The following APC variants were observed in gnomAD, a reference collection of about 807,000 sequenced individuals.
The protein encoded by APC is APC regulator of Wnt signaling pathway.
In APC, 72 loss-of-function variants were observed where a neutral mutation model predicts 247.0. The ratio of observed to expected loss-of-function variants is 0.29; its 90% confidence interval spans 0.24 to 0.35. APC has a LOEUF of 0.35. Ranked by LOEUF, APC falls within the 10% of genes least tolerant of loss-of-function variation. The probability of loss-of-function intolerance (pLI) is 1.00; values close to 1 mark genes in which losing one functional copy is unlikely to be tolerated. For synonymous variants in APC, 1,254 were observed against 1,162.5 expected (o/e 1.08, Z -1.60); for missense variants, 3,400 against 3,360.7 (o/e 1.01, Z -0.29).
chr5:112,813,523 C>T (rs1410228322), intron 8 of APC, among the ~76,000 whole-genome samples: 2 of 152,120 alleles, frequency 1.3e-5, no homozygotes, highest in African/African-American at 4.8e-5. Context: ...TGACGAATCA[C>T]TTAGGAATAC....
At chr5:112,766,302 A>T (rs2149783583) in intron 2 of APC, 24 bp from the exon 3 acceptor site, 1 of 1,447,222 alleles carries the variant, frequency 6.9e-7, no homozygotes, top group Non-Finnish European at 9.7e-7. Context: ...ATTTCATGTT[A>T]ATATATTGTG....
chr5:112,742,282 G>A (rs1753125757), intron 1 of APC, among the ~76,000 whole-genome samples: 1 of 152,084 alleles, frequency 6.6e-6, no homozygotes, highest in South Asian at 2.1e-4. Context: ...TCCAGTGAAG[G>A]CCGTAAGTTT....
intron 11 of APC, among the ~76,000 whole-genome samples, chr5:112,822,738 A>C (rs775691782): frequency 2.4e-4 from 36 of 152,168 alleles, no homozygotes; most frequent in Non-Finnish European, 4.3e-4. Flanking sequence ...CCATACGCTT[A>C]ATTCCCATTT....
chr5:112,746,664 CAAAGG>C (rs1055348860), intron 1 of APC, among the ~76,000 whole-genome samples: 3 of 152,076 alleles, frequency 2.0e-5, no homozygotes, highest in Admixed American at 1.3e-4. Context: ...ACTTTAAACT[CAAAGG>C]AAAATGCCTA....
intron 11 of APC, 119 bp downstream of exon 11, chr5:112,822,110 A>G (rs901099959): frequency 1.4e-6 from 1 of 724,270 alleles, no homozygotes; most frequent in Admixed American, 2.3e-5. Flanking sequence ...ATATAAGGCC[A>G]CCAACTTCTG....
In APC at chr5:112,840,791, C is replaced by T. The variant is rs1441448668; in HGVS notation, c.5197C>T (p.Pro1733Ser). ...ILAECINSAM[P>S]KGKSHKPFRV... Reference sequence around the variant, plus strand: ...TGCAGAATGCATTAATTCTGCTATGCCCAAAGGGAAAAGTCACAAGCCTTT... The same window carrying T: ...TGCAGAATGCATTAATTCTGCTATGTCCAAAGGGAAAAGTCACAAGCCTTT... The change falls in exon 16 of 16, where the codon CCC becomes TCC. Residue 1733 changes from proline (P) to serine (S), a missense_variant. By Grantham distance (74) the Pro-to-Ser change is moderately conservative. Transcript: ENST00000257430. This position sits in a 1 kb window ranked among gnomAD's most constrained non-coding sequence, Gnocchi z 4.1. 2 of 1,613,946 alleles carry T rather than the reference C, an allele frequency of 1.2e-6. No individual in the cohort carries two copies. The highest frequency in any genetic ancestry group is 1.7e-5 in the Admixed American group (1 of 60,008).
intron 1 of APC, among the ~76,000 whole-genome samples, chr5:112,708,284 C>A (rs910717760): frequency 6.6e-6 from 1 of 152,142 alleles, no homozygotes; most frequent in Non-Finnish European, 1.5e-5. Flanking sequence ...CCTGATAGCC[C>A]GGCATGTGGA....
rs1195583636 is a variant in APC at position 112,838,754 on chromosome 5, C to T, written c.3160C>T (p.His1054Tyr). ...SQNERWARPK[H>Y]IIEDEIKQSE... ...GAATGAAAGATGGGCAAGACCCAAA[C>T]ACATAATAGAAGATGAAATAAAACA... is the stretch of plus-strand genomic sequence containing the variant. Residue 1054 changes from histidine to tyrosine, a missense_variant, in exon 16 of 16, where the codon CAC becomes TAC. Coordinates refer to ENST00000257430, the MANE Select transcript of APC (RefSeq NM_000038.6). 6.2e-7 allele frequency: 1 copy of T among 1,614,108 alleles called. No individual in the cohort carries two copies. Among genetic ancestry groups the T allele is most frequent in the Non-Finnish European group, 8.5e-7 (1 of 1,180,012 alleles).
chr5:112,740,317 A>G lies in APC; in HGVS notation c.-19+2392A>G, dbSNP rs869312466. ...ATTGAGATGTTTTTCTGAATTAAATAAGAAATAAAGAACTAAAGTTTATTT... is the reference window on the plus strand; with the variant it reads ...ATTGAGATGTTTTTCTGAATTAAATGAGAAATAAAGAACTAAAGTTTATTT... On this transcript the variant is annotated intron_variant, in intron 1 of 15. Transcript: ENST00000257430. 2.1e-4 allele frequency among the ~76,000 whole-genome samples: 32 copies of G among 152,168 alleles called. No homozygotes were observed. The highest frequency in any genetic ancestry group is 1.8e-3 in the Admixed American group (27 of 15,276).
chr5:112,787,307 T>C (rs1759077437), intron 6 of APC, among the ~76,000 whole-genome samples: 1 of 152,266 alleles, frequency 6.6e-6, no homozygotes, highest in African/African-American at 2.4e-5. Context: ...CCTAGTTTGC[T>C]GACTGTTGCC....
chr5:112,741,283 A>G (rs1174890974), intron 1 of APC, among the ~76,000 whole-genome samples: 1 of 152,226 alleles, frequency 6.6e-6, no homozygotes, highest in Non-Finnish European at 1.5e-5. Flanking sequence ...CCTCTAATTT[A>G]GAAGAATATG....
At chr5:112,827,892 C>G in intron 12 of APC, 37 bp from the exon 13 acceptor site, 1 of 1,569,942 alleles carries the variant, frequency 6.4e-7, no homozygotes. Context: ...TTCAAGTTGT[C>G]TTTTTAATGA....
intron 1 of APC, among the ~76,000 whole-genome samples, chr5:112,718,761 C>A (rs1387063920): frequency 6.6e-6 from 1 of 152,178 alleles, no homozygotes; most frequent in African/African-American, 2.4e-5. Context: ...TGTAAGGATA[C>A]TTGGTCTGAA....
intron 1 of APC, among the ~76,000 whole-genome samples, chr5:112,739,829 G>A (rs1752787320): frequency 6.6e-6 from 1 of 152,162 alleles, no homozygotes; most frequent in Admixed American, 6.5e-5. Context: ...AATTCCATTA[G>A]CATAGTGTTT....
chr5:112,767,451 A>C (rs949608865), intron 4 of APC, 61 bp downstream of exon 4: 3 of 1,325,300 alleles, frequency 2.3e-6, no homozygotes, highest in Non-Finnish European at 2.1e-6. Context: ...TTATTTTGTA[A>C]TATAATATTT....
intron 8 of APC, among the ~76,000 whole-genome samples, chr5:112,804,958 G>T (rs1200888224): frequency 1.3e-5 from 2 of 151,766 alleles, no homozygotes; most frequent in Admixed American, 1.3e-4. Context: ...TCCAGCCTGG[G>T]TAACAAGGCA....
intron 11 of APC, among the ~76,000 whole-genome samples, chr5:112,823,545 A>G (rs772360274): frequency 6.6e-6 from 1 of 152,240 alleles, no homozygotes; most frequent in Non-Finnish European, 1.5e-5. Context: ...TAAGGAGAAA[A>G]GAAATCCCAA....
intron 1 of APC, among the ~76,000 whole-genome samples, chr5:112,732,208 C>G (rs923950775): frequency 3.9e-5 from 6 of 152,158 alleles, no homozygotes; most frequent in African/African-American, 1.4e-4. Context: ...TATAACACTC[C>G]AAATTAAAAG....
At chr5:112,817,198 G>A (rs1762600429) in intron 9 of APC, among the ~76,000 whole-genome samples, 1 of 152,078 alleles carries the variant, frequency 6.6e-6, no homozygotes, top group African/African-American at 2.4e-5. Flanking sequence ...TCACTAAGAT[G>A]AAATGAAATT....
Sources: gnomAD v4.1 joint callset for allele counts (sites outside exome capture counted in the v4.1 genomes callset) on GRCh38, gnomAD v4.1.1 for gene constraint, Gnocchi (gnomAD v3.1) non-coding constraint, MANE v1.5 for transcripts, NCBI Gene and HGNC (gene_info 2026-07-23, HGNC 2026-07-21) for gene names.